SHISA6: variants seen among roughly 807,000 people sequenced by gnomAD.
The protein encoded by SHISA6 is shisa family member 6.
In SHISA6, 22 loss-of-function variants were observed where a neutral mutation model predicts 47.9. The ratio of observed to expected loss-of-function variants is 0.46; its 90% CI spans 0.33 to 0.66. SHISA6 has a LOEUF of 0.66. SHISA6 is among the 30% of genes least tolerant of loss of function. The probability of loss-of-function intolerance (pLI) is 0.02; values close to 1 mark genes in which losing one functional copy is unlikely to be tolerated. For synonymous variants in SHISA6, 388 were observed against 337.8 expected (o/e 1.15, Z -1.63); for missense variants, 680 against 764.6 (o/e 0.89, Z 1.30).
At chr17:11,530,731 G>T (rs1426172538) in intron 3 of SHISA6, among the ~76,000 whole-genome samples, 2 of 152,168 alleles carry the variant, frequency 1.3e-5, no homozygotes, top group Non-Finnish European at 2.9e-5. Flanking sequence ...GTTTATTTAA[G>T]ATGTTCTTCT....
intron 1 of SHISA6, among the ~76,000 whole-genome samples, chr17:11,256,247 C>G (rs551172898): frequency 1.3e-5 from 2 of 152,146 alleles, no homozygotes; most frequent in African/African-American, 4.8e-5. Flanking sequence ...GTAGTCTCAG[C>G]GCTGTGGGAG....
At chr17:11,505,774 C>A (rs2071493563) in intron 3 of SHISA6, among the ~76,000 whole-genome samples, 1 of 152,176 alleles carries the variant, frequency 6.6e-6, no homozygotes, top group Admixed American at 6.5e-5. Context: ...AAACTGAGTA[C>A]CTTCTTTGTG....
chr17:11,280,911 T>G (rs974352109), intron 2 of SHISA6, among the ~76,000 whole-genome samples: 3 of 152,238 alleles, frequency 2.0e-5, no homozygotes, highest in Admixed American at 2.0e-4. Flanking sequence ...ATCATGATAG[T>G]GGTGTTTACA....
chr17:11,277,826 C>T (rs546930437), intron 2 of SHISA6, among the ~76,000 whole-genome samples: 10 of 152,226 alleles, frequency 6.6e-5, no homozygotes, highest in South Asian at 4.1e-4. Flanking sequence ...ATCATGTCTG[C>T]GTTCCAGACA....
chr17:11,544,219 CAGA>C (rs1461243613), intron 3 of SHISA6, among the ~76,000 whole-genome samples: 1 of 151,684 alleles, frequency 6.6e-6, no homozygotes, highest in Non-Finnish European at 1.5e-5. Flanking sequence ...ATTGATAAAT[CAGA>C]CTTAAAATTA....
rs1036421173 is a variant in SHISA6, at chr17:11,361,986, C to T, written c.800-17428C>T. On this transcript the variant is annotated intron_variant, in intron 2 of 5. Transcript: ENST00000441885. ...CTCTCTGTTTCATGGAGGGAACAGA[C>T]TACAAGCCATAGCCATTTGATCAAC... Among the ~76,000 whole-genome samples, 36 of 152,296 alleles carry T rather than the reference C, an allele frequency of 2.4e-4. 1 individual carries two copies. The highest frequency in any genetic ancestry group is 6.8e-3 in the Middle Eastern group (2 of 294).
intron 3 of SHISA6, among the ~76,000 whole-genome samples, chr17:11,531,901 TA>T (rs746846510): frequency 3.3e-5 from 5 of 152,214 alleles, no homozygotes; most frequent in Admixed American, 6.5e-5. Flanking sequence ...TAGCTTGATT[TA>T]ATCATTCCAC....
At chr17:11,411,219 C>T (rs1047102998) in intron 3 of SHISA6, among the ~76,000 whole-genome samples, 9 of 152,116 alleles carry the variant, frequency 5.9e-5, no homozygotes, top group Non-Finnish European at 1.3e-4. Context: ...CTGCCCACCT[C>T]GGCCTCCCAA....
At chr17:11,369,927 A>C (rs1912579583) in intron 2 of SHISA6, among the ~76,000 whole-genome samples, 1 of 152,200 alleles carries the variant, frequency 6.6e-6, no homozygotes, top group African/African-American at 2.4e-5. Flanking sequence ...AGGCACATTG[A>C]ATGTGCCCAG....
chr17:11,403,699 G>A (rs1913852075), intron 3 of SHISA6, among the ~76,000 whole-genome samples: 2 of 152,154 alleles, frequency 1.3e-5, no homozygotes, highest in African/African-American at 2.4e-5. Flanking sequence ...GGAACTTGAC[G>A]GCACTGGTGG....
intron 1 of SHISA6, among the ~76,000 whole-genome samples, chr17:11,246,718 T>A (rs955322355): frequency 5.3e-5 from 8 of 152,180 alleles, no homozygotes; most frequent in Non-Finnish European, 1.5e-5. Flanking sequence ...TCCTGACTCT[T>A]GCAGACACAC....
intron 2 of SHISA6, among the ~76,000 whole-genome samples, chr17:11,352,697 A>G (rs205065): frequency 0.96 from 145,769 of 152,274 alleles, 70,118 homozygotes; most frequent in East Asian, 1. Flanking sequence ...GCTGAGCATG[A>G]TGGAGAGAGG....
In SHISA6 at chr17:11,247,141, G is replaced by A. The variant is rs561426188; in HGVS notation, c.638+5081G>A. On this transcript the variant is annotated intron_variant, in intron 1 of 5. Coordinates refer to ENST00000441885, the MANE Select transcript of SHISA6 (RefSeq NM_207386.4). ...ATTCAACTGGTTTTAATGAGAGATC[G>A]GATTGACCGTGCAGTGGATTCAAAT... 5.3e-5 allele frequency among the ~76,000 whole-genome samples: 8 copies of A among 152,296 alleles called. No individual in the cohort carries two copies. In the South Asian group the frequency reaches 1.5e-3, roughly 28 times the overall value.
At chr17:11,247,516 C>T (rs1416245638) in intron 1 of SHISA6, among the ~76,000 whole-genome samples, 1 of 152,150 alleles carries the variant, frequency 6.6e-6, no homozygotes, top group Non-Finnish European at 1.5e-5. Context: ...TTTTGTCTTA[C>T]AATTTTGCTC....
At chr17:11,366,329 G>A (rs1912448776) in intron 2 of SHISA6, among the ~76,000 whole-genome samples, 2 of 152,110 alleles carry the variant, frequency 1.3e-5, no homozygotes, top group Non-Finnish European at 2.9e-5. Flanking sequence ...TTGTAGAGGT[G>A]GGGTTTCGCC....
intron 2 of SHISA6, among the ~76,000 whole-genome samples, chr17:11,372,186 T>G (rs1273720982): frequency 6.6e-6 from 1 of 152,238 alleles, no homozygotes; most frequent in Non-Finnish European, 1.5e-5. Context: ...GGATTCCAGT[T>G]TATTAAGTTC....
Position 11,363,072 on chromosome 17 carries a change from T to G in SHISA6, c.800-16342T>G, listed in dbSNP as rs891135716. Among the ~76,000 whole-genome samples, 6 of 152,352 alleles carry G rather than the reference T, an allele frequency of 3.9e-5. No individual in the cohort carries two copies. The East Asian group carries it at 1.2e-3, about 29-fold the overall frequency. ...CTCTTTCCCTCATTCCTCATCCTTG[T>G]GAGCCAGCTCAGAAACTACAGCTTT... On this transcript the variant is annotated intron_variant, in intron 2 of 5. Transcript: ENST00000441885.
At chr17:11,383,323 G>A (rs780981392) in intron 3 of SHISA6, among the ~76,000 whole-genome samples, 5 of 152,154 alleles carry the variant, frequency 3.3e-5, no homozygotes, top group Non-Finnish European at 7.3e-5. Context: ...CACTTCAAGG[G>A]CCTGGGGGTA....
chr17:11,354,596 G>A (rs1204645308), intron 2 of SHISA6, among the ~76,000 whole-genome samples: 2 of 152,194 alleles, frequency 1.3e-5, no homozygotes, highest in African/African-American at 4.8e-5. Context: ...AGGTCACGAA[G>A]AAAGCCCTGG....
Sources: gnomAD v4.1 joint callset for allele counts (sites outside exome capture counted in the v4.1 genomes callset) on GRCh38, gnomAD v4.1.1 for gene constraint, MANE v1.5 for transcripts, NCBI Gene and HGNC (gene_info 2026-07-23, HGNC 2026-07-21) for gene names.